The following WNT9B variants were observed in gnomAD, a reference collection of about 807,000 sequenced individuals.
WNT9B encodes protein Wnt-9b.
Under a neutral mutation model 30.2 loss-of-function variants are expected in WNT9B, and 12 were observed. The ratio of observed to expected loss-of-function variants is 0.40; its 90% confidence interval spans 0.26 to 0.64. The LOEUF (loss-of-function observed/expected upper bound fraction) is 0.64, where lower values mean the gene tolerates loss of function less well. Among genes scored for constraint, WNT9B ranks in the 30% least tolerant of loss-of-function variants. The pLI, the probability that WNT9B is intolerant of heterozygous loss-of-function variation, is 0.42. For missense variants in WNT9B, 442 were observed against 485.2 expected (o/e 0.91, Z 0.84); for synonymous variants, 218 against 216.9 (o/e 1.01, Z -0.05).
intron 1 of WNT9B, among the ~76,000 whole-genome samples, chr17:46,855,102 T>A (rs866977023): frequency 1.2e-4 from 18 of 152,242 alleles, no homozygotes; most frequent in Middle Eastern, 6.8e-3. Context: ...ACACAGTGAA[T>A]CGGTGGGGGA....
chr17:46,884,462 TC>T (rs143198571), downstream of WNT9B, among the ~76,000 whole-genome samples: 3,896 of 152,220 alleles, frequency 0.026, 82 homozygotes, highest in African/African-American at 0.055. Context: ...TTCTCATGTT[TC>T]CCCAAGTGCT....
At chr17:46,883,502 C>CAGG (rs1435332886), downstream of WNT9B, among the ~76,000 whole-genome samples, 2 of 151,992 alleles carry the variant, frequency 1.3e-5, no homozygotes, top group Non-Finnish European at 2.9e-5. Flanking sequence ...CCAGGCTGGT[C>CAGG]TTGAACTCCT....
intron 1 of WNT9B, among the ~76,000 whole-genome samples, chr17:46,859,251 C>T (rs867882838): frequency 7.2e-5 from 11 of 152,230 alleles, no homozygotes; most frequent in Non-Finnish European, 1.5e-4. Context: ...GCTGGCATTA[C>T]AGGCGTGAGC....
intron 1 of WNT9B, among the ~76,000 whole-genome samples, chr17:46,856,654 T>C (rs1174610260): frequency 2.0e-5 from 3 of 152,042 alleles, no homozygotes; most frequent in Non-Finnish European, 4.4e-5. Context: ...CAGCTAATTT[T>C]TGTATTTTTA....
upstream of WNT9B, among the ~76,000 whole-genome samples, chr17:46,846,908 G>A (rs947952223): frequency 1.3e-5 from 2 of 152,152 alleles, no homozygotes; most frequent in Non-Finnish European, 2.9e-5. Flanking sequence ...TCCCGCAGAA[G>A]GACAGATGAG....
intron 1 of WNT9B, among the ~76,000 whole-genome samples, chr17:46,859,256 G>A (rs775637848): frequency 1.3e-5 from 2 of 152,202 alleles, no homozygotes; most frequent in African/African-American, 4.8e-5. Context: ...CATTACAGGC[G>A]TGAGCCACCA....
intron 1 of WNT9B, among the ~76,000 whole-genome samples, chr17:46,865,586 G>T (rs953401180): frequency 6.6e-6 from 1 of 152,130 alleles, no homozygotes; most frequent in Non-Finnish European, 1.5e-5. Flanking sequence ...AGGTCTGTGG[G>T]TGGACTGGGC....
chr17:46,870,437 C>T (rs2085220644), intron 1 of WNT9B, among the ~76,000 whole-genome samples: 2 of 151,896 alleles, frequency 1.3e-5, no homozygotes, highest in African/African-American at 4.8e-5. Flanking sequence ...ACCTGGTGGA[C>T]TGGAAAATTA....
intron 1 of WNT9B, among the ~76,000 whole-genome samples, chr17:46,866,980 C>G (rs1228801307): frequency 6.6e-6 from 1 of 152,204 alleles, no homozygotes; most frequent in Non-Finnish European, 1.5e-5. Context: ...TCCTCCTCAC[C>G]CCCAGGCCTC....
chr17:46,868,996 G>C (rs148739612), intron 1 of WNT9B, among the ~76,000 whole-genome samples: 1 of 152,178 alleles, frequency 6.6e-6, no homozygotes, highest in African/African-American at 2.4e-5. Context: ...AAGGAAATAC[G>C]ATCCCAAACT....
chr17:46,883,675 C>A (rs1214333279), downstream of WNT9B, among the ~76,000 whole-genome samples: 3 of 152,198 alleles, frequency 2.0e-5, no homozygotes, highest in African/African-American at 4.8e-5. Context: ...GAAACAGCTT[C>A]TTCACTGCCT....
chr17:46,851,408 C>T (rs1890595415), upstream of WNT9B, among the ~76,000 whole-genome samples: 4 of 142,944 alleles, frequency 2.8e-5, no homozygotes, highest in Admixed American at 2.8e-4. This position sits in a 1 kb window ranked among gnomAD's most constrained non-coding sequence, Gnocchi z 4.3. Flanking sequence ...GGGGGAGGGG[C>T]GGGGGCGGTC....
At chr17:46,866,313 T>C (rs750510562) in intron 1 of WNT9B, among the ~76,000 whole-genome samples, 1 of 151,932 alleles carries the variant, frequency 6.6e-6, no homozygotes, top group Non-Finnish European at 1.5e-5. Context: ...TGGGAAGAGG[T>C]TGGGAGCGGA....
chr17:46,852,418 G>A (rs1055193545), intron 1 of WNT9B, among the ~76,000 whole-genome samples: 1 of 150,876 alleles, frequency 6.6e-6, no homozygotes. Flanking sequence ...GTGTGTGTGT[G>A]TGTGTGTGTG....
chr17:46,855,693 C>A (rs1332495337), intron 1 of WNT9B, among the ~76,000 whole-genome samples: 1 of 152,174 alleles, frequency 6.6e-6, no homozygotes, highest in Non-Finnish European at 1.5e-5. Context: ...GTTACCCAAT[C>A]CAGTCTATTT....
intron 1 of WNT9B, among the ~76,000 whole-genome samples, chr17:46,838,819 A>C (rs2084664417): frequency 6.6e-6 from 1 of 152,138 alleles, no homozygotes. Flanking sequence ...GCCTGTGCAC[A>C]GAGAGGGGAT....
upstream of WNT9B, among the ~76,000 whole-genome samples, chr17:46,851,028 G>C (rs1278844514): frequency 6.6e-6 from 1 of 152,162 alleles, no homozygotes; most frequent in African/African-American, 2.4e-5. The surrounding 1 kb of genome is among the most constrained non-coding windows in gnomAD (Gnocchi z 4.3). Context: ...CTGGCAACAG[G>C]GTCCCCTGAG....
chr17:46,864,360 A>G (rs2085096801), intron 1 of WNT9B, among the ~76,000 whole-genome samples: 1 of 152,030 alleles, frequency 6.6e-6, no homozygotes, highest in Non-Finnish European at 1.5e-5. Flanking sequence ...CCTTCTCTTC[A>G]CATACCAGGC....
chr17:46,848,670 G>A (rs1254345979), upstream of WNT9B, among the ~76,000 whole-genome samples: 1 of 152,358 alleles, frequency 6.6e-6, no homozygotes, highest in East Asian at 1.9e-4. Context: ...TAATGCAAAG[G>A]TGTCTGTGAG....
Sources: gnomAD v4.1 joint callset for allele counts (sites outside exome capture counted in the v4.1 genomes callset) on GRCh38, gnomAD v4.1.1 for gene constraint, Gnocchi (gnomAD v3.1) non-coding constraint, MANE v1.5 for transcripts, NCBI Gene and HGNC (gene_info 2026-07-23, HGNC 2026-07-21) for gene names.